TRDN: variants seen among roughly 807,000 people sequenced by gnomAD.
The protein encoded by TRDN is triadin in skeletal muscle.
A neutral mutation model predicts 149.7 loss-of-function variants in TRDN; 161 were observed. The ratio of observed to expected loss-of-function variants is 1.08; its 90% confidence interval spans 0.95 to 1.23. The LOEUF is 1.23. Ranked by LOEUF, TRDN falls within the 50% of genes most tolerant of loss-of-function variation. The probability of loss-of-function intolerance (pLI) is 0.00; values close to 1 mark genes in which losing one functional copy is unlikely to be tolerated. For synonymous variants in TRDN, 294 were observed against 250.5 expected (o/e 1.17, Z -1.64); for missense variants, 896 against 823.5 (o/e 1.09, Z -1.08).
intron 21 of TRDN, among the ~76,000 whole-genome samples, chr6:123,344,954 T>C (rs9388226): frequency 0.93 from 141,154 of 152,086 alleles, 65,563 homozygotes; most frequent in East Asian, 0.99. Flanking sequence ...TTTAGCTATT[T>C]TAATAGGTGT....
At chr6:123,232,083 T>C (rs1775623300) in intron 38 of TRDN, among the ~76,000 whole-genome samples, 1 of 151,706 alleles carries the variant, frequency 6.6e-6, no homozygotes, top group Non-Finnish European at 1.5e-5. Flanking sequence ...AAGTAGATAA[T>C]GTAGAAAACA....
intron 38 of TRDN, among the ~76,000 whole-genome samples, chr6:123,241,042 TAAG>T (rs202230228): frequency 0.018 from 2,660 of 151,960 alleles, 75 homozygotes; most frequent in African/African-American, 0.06. Context: ...TTTCTGTGTT[TAAG>T]AAGATTAGTT....
intron 1 of TRDN, among the ~76,000 whole-genome samples, chr6:123,616,796 C>G (rs1359800851): frequency 6.6e-6 from 1 of 152,126 alleles, no homozygotes; most frequent in Non-Finnish European, 1.5e-5. Flanking sequence ...ACAACAAATT[C>G]AGTTAATCAC....
chr6:123,521,492 C>T (rs1459131494), intron 5 of TRDN, among the ~76,000 whole-genome samples: 1 of 152,062 alleles, frequency 6.6e-6, no homozygotes, highest in African/African-American at 2.4e-5. Context: ...GGCCCCAAAG[C>T]TTGCCCGCAA....
At chr6:123,389,022 T>C (rs1350004071) in intron 13 of TRDN, among the ~76,000 whole-genome samples, 1 of 152,182 alleles carries the variant, frequency 6.6e-6, no homozygotes, top group African/African-American at 2.4e-5. Flanking sequence ...AAATGCCCAA[T>C]TTCAGGAAGG....
chr6:123,505,464 C>T (rs1327499234), intron 7 of TRDN, among the ~76,000 whole-genome samples: 1 of 152,028 alleles, frequency 6.6e-6, no homozygotes, highest in African/African-American at 2.4e-5. Flanking sequence ...TCCCAAAACA[C>T]TGTTTCTCAG....
chr6:123,390,853 T>C (rs2114451829), intron 13 of TRDN, among the ~76,000 whole-genome samples: 1 of 152,276 alleles, frequency 6.6e-6, no homozygotes, highest in Non-Finnish European at 1.5e-5. Context: ...ATTCTAGTTT[T>C]GTTGATGTTG....
intron 24 of TRDN, among the ~76,000 whole-genome samples, chr6:123,302,023 C>T (rs1482614415): frequency 3.3e-5 from 5 of 150,104 alleles, no homozygotes; most frequent in Non-Finnish European, 5.9e-5. Flanking sequence ...AGGCCTAATG[C>T]ATGATAAAAA....
intron 14 of TRDN, among the ~76,000 whole-genome samples, chr6:123,385,918 A>G (rs1329276506): frequency 6.6e-6 from 1 of 152,094 alleles, no homozygotes; most frequent in African/African-American, 2.4e-5. Flanking sequence ...TAAAAAGCTC[A>G]CTGGAATATA....
At chr6:123,578,963 G>C (rs768551204) in intron 1 of TRDN, among the ~76,000 whole-genome samples, 2 of 152,072 alleles carry the variant, frequency 1.3e-5, no homozygotes, top group African/African-American at 2.4e-5. Flanking sequence ...GCTGTTGTTG[G>C]TGTATAGGAA....
At chr6:123,517,659 AGC>A (rs958956812) in intron 5 of TRDN, among the ~76,000 whole-genome samples, 1 of 152,228 alleles carries the variant, frequency 6.6e-6, no homozygotes, top group Non-Finnish European at 1.5e-5. Context: ...TAGCTCCACA[AGC>A]ACACCACATG....
intron 1 of TRDN, among the ~76,000 whole-genome samples, chr6:123,597,672 A>C (rs1452402149): frequency 1.3e-5 from 2 of 152,124 alleles, no homozygotes; most frequent in African/African-American, 4.8e-5. Context: ...AGCAGACATC[A>C]ACATCAAGGC....
At chr6:123,404,258 A>C (rs1307860443) in intron 12 of TRDN, among the ~76,000 whole-genome samples, 1 of 152,202 alleles carries the variant, frequency 6.6e-6, no homozygotes, top group African/African-American at 2.4e-5. Context: ...TGTCCTTTCC[A>C]ACCTAATATA....
rs369582177 is a variant in TRDN at position 123,232,819 on chromosome 6, A to T, written c.1976-8688T>A. Among the ~76,000 whole-genome samples the T allele has an allele frequency of 2.0e-4, 31 of 152,130 alleles. No homozygotes were observed. In the East Asian group the frequency reaches 3.5e-3, roughly 17 times the overall value. On this transcript the variant is annotated intron_variant, in intron 38 of 40. Coordinates refer to ENST00000334268, the MANE Select transcript of TRDN (RefSeq NM_006073.4). ...TTTGTTTTTCTCAGTTTTAAACATA[A>T]AATTTTTCTGTGTAGTGTCCAGTCT... is the stretch of plus-strand genomic sequence containing the variant.
intron 12 of TRDN, among the ~76,000 whole-genome samples, chr6:123,402,731 C>T (rs901120892): frequency 3.9e-5 from 6 of 151,956 alleles, no homozygotes; most frequent in Non-Finnish European, 7.4e-5. Context: ...CACTGGAATA[C>T]TCTGTGTAAG....
chr6:123,226,807 C>T (rs1775389018), intron 38 of TRDN, among the ~76,000 whole-genome samples: 1 of 151,846 alleles, frequency 6.6e-6, no homozygotes, highest in Non-Finnish European at 1.5e-5. Context: ...AAGGTAGAAT[C>T]ATGGCAGTGA....
At chr6:123,293,764 T>C (rs539528970) in intron 24 of TRDN, among the ~76,000 whole-genome samples, 1 of 152,134 alleles carries the variant, frequency 6.6e-6, no homozygotes, top group South Asian at 2.1e-4. Flanking sequence ...AGGAACTCCC[T>C]AGGGAGTCAC....
intron 38 of TRDN, among the ~76,000 whole-genome samples, chr6:123,231,403 G>A (rs192746237): frequency 7.9e-4 from 120 of 152,042 alleles, no homozygotes; most frequent in African/African-American, 2.4e-3. Context: ...TTGAACAATC[G>A]TAATGAATTG....
chr6:123,321,049 AT>A (rs984842028), intron 23 of TRDN, among the ~76,000 whole-genome samples: 13 of 152,282 alleles, frequency 8.5e-5, no homozygotes, highest in African/African-American at 3.1e-4. Context: ...TAGCAGTGTT[AT>A]CTCTGGTCAA....
Sources: allele counts gnomAD v4.1 joint callset (sites outside exome capture counted in the v4.1 genomes callset), GRCh38; gene constraint gnomAD v4.1.1; transcripts MANE v1.5; gene names NCBI Gene and HGNC (gene_info 2026-07-23, HGNC 2026-07-21).